Variants in SRRM2 observed in about 807,000 individuals in gnomAD.
The protein encoded by SRRM2 is serine/arginine repetitive matrix 2, also known as serine/arginine repetitive matrix protein 2.
Under a neutral mutation model 213.8 loss-of-function variants are expected in SRRM2, and 30 were observed. The ratio of observed to expected loss-of-function variants is 0.14; its 90% confidence interval spans 0.10 to 0.19. The LOEUF is 0.19. Among genes scored for constraint, SRRM2 ranks in the 10% least tolerant of loss-of-function variants. The pLI, the probability that SRRM2 is intolerant of heterozygous loss-of-function variation, is 1.00. For synonymous variants in SRRM2, 2,025 were observed against 1,377.7 expected (o/e 1.47, Z -10.40); for missense variants, 4,904 against 3,647.0 (o/e 1.34, Z -8.88).
rs573944926 is a variant in SRRM2 at position 2,756,535 on chromosome 16, C to G, written c.171C>G (p.Ile57Met). ...AALVKRPNPD[I>M]LDHERKRRVE... ...TGGTGAAGCGGCCTAATCCTGACATCCTGGACCACGAGCGCAAGCGGCGCG... is the reference window on the plus strand; with the variant it reads ...TGGTGAAGCGGCCTAATCCTGACATGCTGGACCACGAGCGCAAGCGGCGCG... The change falls in exon 2 of 15, where the codon ATC (isoleucine) becomes ATG (methionine). Residue 57 changes from isoleucine to methionine, a missense_variant. Transcript: ENST00000301740. The G allele has an allele frequency of 6.2e-7, 1 of 1,614,038 alleles. No individual in the cohort carries two copies. The highest frequency in any genetic ancestry group is 8.5e-7 in the Non-Finnish European group (1 of 1,180,018).
rs764539886 is a variant in SRRM2, at chr16:2,759,030, AAAG to A, written c.649_651del (p.Lys217del). 1.7e-5 allele frequency: 28 copies of A among 1,614,088 alleles called. No homozygotes were observed. The highest frequency in any genetic ancestry group is 3.3e-5 in the South Asian group (3 of 91,076). ...CTCGACGGGAGAGAAAGAAAAGCTCAAAGAAGAAGAAGCACAGGTATGAGGTGG... is the reference window on the plus strand; with the variant it reads ...CTCGACGGGAGAGAAAGAAAAGCTCAAAGAAGAAGCACAGGTATGAGGTGG... On this transcript the variant is annotated inframe_deletion, in exon 6 of 15. Coordinates refer to ENST00000301740, the MANE Select transcript of SRRM2 (RefSeq NM_016333.4).
chr16:2,761,007 GT>G (rs1224407591), intron 10 of SRRM2, among the ~76,000 whole-genome samples: 6 of 152,184 alleles, frequency 3.9e-5, no homozygotes, highest in Non-Finnish European at 5.9e-5. Context: ...GTCATCCAGG[GT>G]TACCTTTCCA....
chr16:2,759,586 C>T lies in SRRM2; in HGVS notation c.758C>T (p.Pro253Leu). The T allele has an allele frequency of 6.2e-7, 1 of 1,614,160 alleles. No individual in the cohort carries two copies. The highest frequency in any genetic ancestry group is 2.2e-5 in the East Asian group (1 of 44,872). The change falls in exon 9 of 15, where the codon CCA (proline) becomes CTA (leucine). Residue 253 changes from proline to leucine, a missense_variant. Pro to Leu is a moderately conservative substitution (Grantham distance 98). Coordinates refer to ENST00000301740, the MANE Select transcript of SRRM2 (RefSeq NM_016333.4). ...TCCTTCAGGTCTCGAAGTACAACAC[C>T]AGCCCCCAAGAGCCGCCGGGCCCAC... The part of the protein sequence containing the change: ...KKRKRSRSTT[P>L]APKSRRAHRS...
chr16:2,763,517 C>G lies in SRRM2; in HGVS notation c.2989C>G (p.Pro997Ala). ...QSHSGSISPYPKVKAQTPPGP... is the reference protein window; with the variant it reads ...QSHSGSISPYAKVKAQTPPGP... ...TCACTCAGGGTCTATTTCACCATAC[C>G]CCAAAGTAAAGGCCCAAACTCCACC... The change falls in exon 11 of 15, where the codon CCC (proline) becomes GCC (alanine). Residue 997 changes from proline (P) to alanine (A), a missense_variant. Transcript: ENST00000301740. The G allele has an allele frequency of 6.2e-7, 1 of 1,614,092 alleles. No individual in the cohort carries two copies. Among genetic ancestry groups the G allele is most frequent in the East Asian group, 2.2e-5 (1 of 44,872 alleles).
Position 2,767,556 on chromosome 16 carries a change from C to T in SRRM2, c.7028C>T (p.Ser2343Phe). 6.2e-7 allele frequency: 1 copy of T among 1,614,232 alleles called. No individual in the cohort carries two copies. The highest frequency in any genetic ancestry group is 2.2e-5 in the East Asian group (1 of 44,892). ...TCTGCAAACCTGGTGGGTCCTCGGT[C>T]TGCACATGCCACAGCTCCTGTGAAT... ...PASANLVGPR[S>F]AHATAPVNIA... Residue 2343 changes from serine to phenylalanine, a missense_variant, in exon 11 of 15, where the codon TCT becomes TTT. Transcript: ENST00000301740.
At chr16:2,754,004 C>T (rs1291345857) in intron 1 of SRRM2, among the ~76,000 whole-genome samples, 1 of 152,118 alleles carries the variant, frequency 6.6e-6, no homozygotes, top group Non-Finnish European at 1.5e-5. Context: ...GATAATTTCC[C>T]AACAGAAAAG....
At position 2,757,455 on chromosome 16, in the gene SRRM2, A is replaced by G; in HGVS notation, c.243-17A>G. 1.1e-5 allele frequency: 17 copies of G among 1,612,274 alleles called. No individual in the cohort carries two copies. The highest frequency in any genetic ancestry group is 1.4e-5 in the Non-Finnish European group (16 of 1,178,512). ...AGTGTCCTGTCGAGCTTAACCCTGA[A>G]GGGATTTGTTCTTCAGGTACGAGGA... On this transcript the variant is annotated splice_polypyrimidine_tract_variant and intron_variant, in intron 2 of 14. Coordinates refer to ENST00000301740, the MANE Select transcript of SRRM2 (RefSeq NM_016333.4).
chr16:2,764,135 A>G lies in SRRM2; in HGVS notation c.3607A>G (p.Lys1203Glu), dbSNP rs2068458390. Residue 1203 changes from lysine to glutamate, a missense_variant, in exon 11 of 15, where the codon AAA (lysine) becomes GAA (glutamate). By Grantham distance (56) the Lys-to-Glu change is moderately conservative (BLOSUM62 1). Coordinates refer to ENST00000301740, the MANE Select transcript of SRRM2 (RefSeq NM_016333.4). ...TAGGCCTGAGTCTTCACTGGTATTC[A>G]AAGACACACTTAGAACCCCGCCAAG... The part of the protein sequence containing the change: ...QDRPESSLVF[K>E]DTLRTPPRER... The G allele has an allele frequency of 4.3e-6, 7 of 1,614,050 alleles. No homozygotes were observed. Among genetic ancestry groups the G allele is most frequent in the East Asian group, 4.5e-5 (2 of 44,898 alleles).
At chr16:2,769,452 T>G in intron 12 of SRRM2, 168 bp downstream of exon 12, 1 of 806,002 alleles carries the variant, frequency 1.2e-6, no homozygotes, top group Non-Finnish European at 2.0e-6. Context: ...CACCCTGTTC[T>G]GGCGAAGGGC....
intron 10 of SRRM2, 59 bp from the exon 11 acceptor site, chr16:2,761,502 G>A (rs530059374): frequency 3.1e-5 from 42 of 1,374,594 alleles, no homozygotes; most frequent in Non-Finnish European, 4.0e-5. Context: ...GGATCTTAGG[G>A]GTGATGTGAA....
chr16:2,757,416 C>G (rs1304399013), intron 2 of SRRM2, 56 bp from the exon 3 acceptor site: 1 of 1,541,454 alleles, frequency 6.5e-7, no homozygotes, highest in African/African-American at 1.4e-5. Flanking sequence ...AAATGGAAAC[C>G]TGGGACTGGG....
In SRRM2 at chr16:2,771,213, T is replaced by A; in HGVS notation, c.*346T>A. 1 of 652,536 alleles carries A rather than the reference T, an allele frequency of 1.5e-6. No homozygotes were observed. The highest frequency in any genetic ancestry group is 2.7e-6 in the Non-Finnish European group (1 of 371,788). 40.4% of individuals were successfully genotyped at this position (652,536 alleles called of 1,614,324 possible). A position where few individuals can be genotyped will look rare whatever the true frequency, so the allele number is the denominator to read the frequency against. ...CAGAAGTTCCCAGGGGTGATTGTGATGGTGGTTGGGACTGGAGGTTGTATA... is the reference window on the plus strand; with the variant it reads ...CAGAAGTTCCCAGGGGTGATTGTGAAGGTGGTTGGGACTGGAGGTTGTATA... On this transcript the variant is annotated 3_prime_UTR_variant, in exon 15 of 15. Coordinates refer to ENST00000301740, the MANE Select transcript of SRRM2 (RefSeq NM_016333.4).
Position 2,760,375 on chromosome 16 carries a change from G to C in SRRM2, c.908G>C (p.Arg303Pro), listed in dbSNP as rs2068296389. Residue 303 changes from arginine to proline, a missense_variant, in exon 10 of 15, where the codon CGC (arginine) becomes CCC (proline). Arg to Pro is a moderately radical substitution (Grantham distance 103). Coordinates refer to ENST00000301740, the MANE Select transcript of SRRM2 (RefSeq NM_016333.4). ...GRSPSPASGR[R>P]GEGDAPFSEP... ...AGTCCTTCCCCTGCTTCAGGGCGAC[G>C]CGGGGAGGGAGATGCGCCTTTCAGT... The C allele has an allele frequency of 1.9e-6, 3 of 1,613,976 alleles. No individual in the cohort carries two copies. The highest frequency in any genetic ancestry group is 2.7e-5 in the African/African-American group (2 of 74,878).
At position 2,764,689 on chromosome 16, in the gene SRRM2, C is replaced by T. The variant is rs78949014; in HGVS notation, c.4161C>T (p.Ser1387=). Residue 1387 remains serine (S), a synonymous_variant, in exon 11 of 15, where the codon TCC becomes TCT. Coordinates refer to ENST00000301740, the MANE Select transcript of SRRM2 (RefSeq NM_016333.4). ...RSSGHSSSEL[S]PDAVEKAGMS... ...CTGGACACAGCAGTTCTGAGTTATC[C>T]CCAGATGCAGTGGAAAAGGCAGGGA... The T allele has an allele frequency of 1.7e-3, 2,743 of 1,614,014 alleles. 44 individuals carry two copies. The African/African-American group carries it at 0.032, about 19-fold the overall frequency.
At chr16:2,769,420 TCTC>T (rs1192053376) in intron 12 of SRRM2, 136 bp downstream of exon 12, 5 of 993,926 alleles carry the variant, frequency 5.0e-6, no homozygotes, top group African/African-American at 1.6e-5. Context: ...AGGCACTTGC[TCTC>T]CTCTCCCCAT....
In SRRM2 at chr16:2,762,256, A is replaced by G; in HGVS notation, c.1728A>G (p.Arg576=). Residue 576 remains arginine, a synonymous_variant, in exon 11 of 15, where the codon AGA becomes AGG. Coordinates refer to ENST00000301740, the MANE Select transcript of SRRM2 (RefSeq NM_016333.4). ...CCACTAGGGGTAGATCTCGTTCTAG[A>G]ACACCAGCCCGCCGGGGCAGGTCCC... ...SPATRGRSRS[R]TPARRGRSRS... The G allele has an allele frequency of 6.2e-7, 1 of 1,602,360 alleles. No homozygotes were observed. The highest frequency in any genetic ancestry group is 2.4e-5 in the East Asian group (1 of 42,466).
At chr16:2,761,060 A>C (rs2068327247) in intron 10 of SRRM2, among the ~76,000 whole-genome samples, 1 of 152,066 alleles carries the variant, frequency 6.6e-6, no homozygotes, top group East Asian at 1.9e-4. Context: ...CTACTTCCTT[A>C]TTGCTTTTGA....
At chr16:2,769,444 C>G (rs1329984974) in intron 12 of SRRM2, 160 bp downstream of exon 12, 1 of 861,422 alleles carries the variant, frequency 1.2e-6, no homozygotes, top group East Asian at 2.5e-5. Context: ...GCTCGTTGCA[C>G]CCTGTTCTGG....
intron 12 of SRRM2, chr16:2,770,136 C>CT (rs1268325995): frequency 3.5e-6 from 5 of 1,427,684 alleles, no homozygotes; most frequent in South Asian, 3.0e-5. Context: ...CAGGGACTGT[C>CT]TTTATCTTTG....
Sources: allele counts gnomAD v4.1 joint callset (sites outside exome capture counted in the v4.1 genomes callset), GRCh38; gene constraint gnomAD v4.1.1; transcripts MANE v1.5; gene names NCBI Gene and HGNC (gene_info 2026-07-23, HGNC 2026-07-21).